The following SRPK2 variants were observed in gnomAD, a reference collection of about 807,000 sequenced individuals.
SRPK2 encodes the protein SFRS protein kinase 2.
Under a neutral mutation model 90.8 loss-of-function variants are expected in SRPK2, and 21 were observed. The ratio of observed to expected loss-of-function variants is 0.23; its 90% confidence interval spans 0.16 to 0.33. The LOEUF is 0.33. Ranked by LOEUF, SRPK2 falls within the 10% of genes least tolerant of loss-of-function variation. The probability of loss-of-function intolerance (pLI) is 1.00; values close to 1 mark genes in which losing one functional copy is unlikely to be tolerated. For missense variants in SRPK2, 620 were observed against 869.0 expected (o/e 0.71, Z 3.60); for synonymous variants, 288 against 311.1 (o/e 0.93, Z 0.78).
intron 2 of SRPK2, among the ~76,000 whole-genome samples, chr7:105,236,442 A>C (rs144774736): frequency 1.0e-3 from 155 of 152,234 alleles, no homozygotes; most frequent in African/African-American, 3.6e-3. Context: ...TGCATAAAAT[A>C]ATGGTGTAAA....
chr7:105,176,342 C>T (rs982722270), intron 3 of SRPK2, among the ~76,000 whole-genome samples: 1 of 152,074 alleles, frequency 6.6e-6, no homozygotes, highest in Non-Finnish European at 1.5e-5. Flanking sequence ...CCACAGATAA[C>T]ATCAGATTTA....
chr7:105,313,405 C>A (rs182433179), intron 2 of SRPK2, among the ~76,000 whole-genome samples: 330 of 149,162 alleles, frequency 2.2e-3, no homozygotes, highest in African/African-American at 7.9e-3. Flanking sequence ...CAAGATCACA[C>A]CACTGCACTC....
At chr7:105,297,931 G>A (rs1164023091) in intron 2 of SRPK2, among the ~76,000 whole-genome samples, 1 of 151,998 alleles carries the variant, frequency 6.6e-6, no homozygotes, top group Non-Finnish European at 1.5e-5. Context: ...TAGTAGAGAC[G>A]GGTTTTCACC....
chr7:105,348,788 A>T (rs76540160), intron 2 of SRPK2, among the ~76,000 whole-genome samples: 18 of 152,236 alleles, frequency 1.2e-4, no homozygotes, highest in African/African-American at 3.9e-4. Context: ...AAAAAAAAAA[A>T]TTTATCTAAA....
At chr7:105,234,679 T>G (rs1375717312) in intron 2 of SRPK2, among the ~76,000 whole-genome samples, 1 of 152,098 alleles carries the variant, frequency 6.6e-6, no homozygotes, top group African/African-American at 2.4e-5. Context: ...ATGTATTGCG[T>G]TGGAGAGGCA....
At chr7:105,135,358 C>T (rs571013623) in intron 11 of SRPK2, among the ~76,000 whole-genome samples, 10 of 152,214 alleles carry the variant, frequency 6.6e-5, no homozygotes, top group African/African-American at 9.6e-5. Context: ...CCTGGCCAGA[C>T]GCAGGGGCTT....
rs1301714323 is a variant in SRPK2, at chr7:105,228,226, G to C, written c.72-24441C>G. Among the ~76,000 whole-genome samples, 3 of 152,096 alleles carry C rather than the reference G, an allele frequency of 2.0e-5. No individual in the cohort carries two copies. The East Asian group carries it at 5.8e-4, about 29-fold the overall frequency. ...TTCATATGAAAAAAAGTTATACAAA[G>C]ACTGGAAAAATCTCAGTATACCTGG... On this transcript the variant is annotated intron_variant, in intron 2 of 15. Coordinates refer to ENST00000393651, the MANE Select transcript of SRPK2 (RefSeq NM_182692.3).
At chr7:105,328,715 A>G (rs1813900463) in intron 2 of SRPK2, among the ~76,000 whole-genome samples, 1 of 151,606 alleles carries the variant, frequency 6.6e-6, no homozygotes, top group Non-Finnish European at 1.5e-5. Context: ...ATACAAAAAA[A>G]TTAGCCGGGC....
chr7:105,331,833 G>A (rs1162279488), intron 2 of SRPK2, among the ~76,000 whole-genome samples: 1 of 152,140 alleles, frequency 6.6e-6, no homozygotes, highest in Admixed American at 6.6e-5. Context: ...AAGTCTCCAA[G>A]GCATGACATC....
chr7:105,326,783 C>A (rs1048654369), intron 2 of SRPK2, among the ~76,000 whole-genome samples: 1 of 152,106 alleles, frequency 6.6e-6, no homozygotes, highest in Non-Finnish European at 1.5e-5. Flanking sequence ...TAAAGGTGGC[C>A]GGGCGCGGTG....
At chr7:105,165,828 A>C (rs1789981610) in intron 6 of SRPK2, among the ~76,000 whole-genome samples, 2 of 152,150 alleles carry the variant, frequency 1.3e-5, no homozygotes, top group African/African-American at 4.8e-5. Context: ...CTTCAAAATA[A>C]ATCTTGTTGC....
intron 3 of SRPK2, among the ~76,000 whole-genome samples, chr7:105,170,873 A>AAGG (rs1790841947): frequency 6.1e-5 from 8 of 130,184 alleles, no homozygotes; most frequent in Admixed American, 8.2e-5. Context: ...GAAAGAAAGA[A>AAGG]AGAAAGAAAG....
chr7:105,277,502 C>T (rs1034759234), intron 2 of SRPK2, among the ~76,000 whole-genome samples: 1 of 152,224 alleles, frequency 6.6e-6, no homozygotes, highest in South Asian at 2.1e-4. Flanking sequence ...TCAAAACTGA[C>T]TGACTCATAA....
At chr7:105,167,493 A>T (rs753755338) in intron 5 of SRPK2, 29 bp from the exon 6 acceptor site, 3 of 1,571,900 alleles carry the variant, frequency 1.9e-6, no homozygotes, top group Non-Finnish European at 2.6e-6. Flanking sequence ...ATGCAAGAAC[A>T]CAGGAGTTTG....
chr7:105,202,050 C>A (rs1422526075), intron 3 of SRPK2, among the ~76,000 whole-genome samples: 5 of 152,182 alleles, frequency 3.3e-5, no homozygotes, highest in African/African-American at 1.2e-4. Flanking sequence ...TTTTACTAGA[C>A]TGCATAGATC....
intron 2 of SRPK2, among the ~76,000 whole-genome samples, chr7:105,211,445 G>A (rs187464526): frequency 1.3e-5 from 2 of 152,202 alleles, no homozygotes; most frequent in African/African-American, 4.8e-5. Context: ...GGCTATACAG[G>A]AAGAATGATG....
chr7:105,150,816 A>G (rs1382763403), intron 7 of SRPK2, among the ~76,000 whole-genome samples: 2 of 152,238 alleles, frequency 1.3e-5, no homozygotes, highest in East Asian at 1.9e-4. Context: ...TCGTTTTCCA[A>G]CTAAAATTGT....
chr7:105,170,463 C>T (rs1255553738), intron 3 of SRPK2, among the ~76,000 whole-genome samples: 2 of 151,826 alleles, frequency 1.3e-5, no homozygotes, highest in South Asian at 2.1e-4. Flanking sequence ...GAGGCCAAGG[C>T]GGGCAGATCA....
intron 3 of SRPK2, among the ~76,000 whole-genome samples, chr7:105,170,414 C>T (rs915541606): frequency 1.1e-4 from 16 of 151,856 alleles, no homozygotes; most frequent in South Asian, 4.2e-4. Context: ...GAAATGAGGC[C>T]GGGCACGGTG....
Sources: gnomAD v4.1 joint callset for allele counts (sites outside exome capture counted in the v4.1 genomes callset) on GRCh38, gnomAD v4.1.1 for gene constraint, MANE v1.5 for transcripts, NCBI Gene and HGNC (gene_info 2026-07-23, HGNC 2026-07-21) for gene names.